FGD5: variants seen among roughly 807,000 people sequenced by gnomAD.
FGD5 encodes the protein FYVE, RhoGEF and PH domain-containing protein 5.
Under a neutral mutation model 133.4 loss-of-function variants are expected in FGD5, and 28 were observed. That is an observed-to-expected ratio of 0.21 (90% CI 0.16 to 0.29). FGD5 has a LOEUF of 0.29. Among genes scored for constraint, FGD5 ranks in the 10% least tolerant of loss-of-function variants. The probability of loss-of-function intolerance (pLI) is 1.00; values close to 1 mark genes in which losing one functional copy is unlikely to be tolerated. For missense variants in FGD5, 1,858 were observed against 1,895.2 expected (o/e 0.98, Z 0.36); for synonymous variants, 810 against 776.5 (o/e 1.04, Z -0.72).
intron 1 of FGD5, among the ~76,000 whole-genome samples, chr3:14,826,509 C>T (rs893323177): frequency 3.3e-5 from 5 of 152,230 alleles, no homozygotes; most frequent in African/African-American, 1.2e-4. Context: ...TGACCTAGAA[C>T]AAGTTTCTGA....
intron 2 of FGD5, among the ~76,000 whole-genome samples, chr3:14,865,059 C>G (rs2125105324): frequency 6.6e-6 from 1 of 152,300 alleles, no homozygotes. Context: ...GGCATTTGTT[C>G]TGCGGGGGAC....
chr3:14,818,103 C>T (rs2036405019), upstream of FGD5, among the ~76,000 whole-genome samples: 1 of 152,216 alleles, frequency 6.6e-6, no homozygotes, highest in African/African-American at 2.4e-5. Flanking sequence ...ATTCCAGTTG[C>T]ATTGTAGTCT....
intron 2 of FGD5, among the ~76,000 whole-genome samples, chr3:14,867,019 G>A (rs895276657): frequency 6.6e-6 from 1 of 152,174 alleles, no homozygotes. Context: ...TTGGACATCC[G>A]TGCCCTCCTC....
At chr3:14,928,975 A>G (rs909697861) in intron 18 of FGD5, among the ~76,000 whole-genome samples, 10 of 152,092 alleles carry the variant, frequency 6.6e-5, no homozygotes, top group African/African-American at 1.9e-4. Flanking sequence ...AATCTCAAAT[A>G]TACTATTTGG....
chr3:14,925,126 A>AAAAAAC (rs1203220701), intron 17 of FGD5, among the ~76,000 whole-genome samples: 3 of 127,556 alleles, frequency 2.4e-5, no homozygotes, highest in Non-Finnish European at 4.9e-5. Context: ...AAAAAAAAAA[A>AAAAAAC]AACACATACA....
chr3:14,826,818 G>A (rs1161821057), intron 1 of FGD5, among the ~76,000 whole-genome samples: 3 of 152,056 alleles, frequency 2.0e-5, no homozygotes, highest in Non-Finnish European at 4.4e-5. Context: ...TTGACTTAAC[G>A]TTTAGGGCTT....
intron 1 of FGD5, among the ~76,000 whole-genome samples, chr3:14,853,667 T>TAC (rs2037213281): frequency 1.1e-5 from 1 of 88,814 alleles, no homozygotes; most frequent in African/African-American, 4.8e-5. Context: ...TTTTTTTTTT[T>TAC]ACGAGTTATT....
At chr3:14,894,872 G>A (rs1001753988) in intron 4 of FGD5, among the ~76,000 whole-genome samples, 7 of 152,112 alleles carry the variant, frequency 4.6e-5, no homozygotes, top group Admixed American at 1.3e-4. Flanking sequence ...GCCAACATCT[G>A]TTATTGCGTG....
intron 4 of FGD5, chr3:14,897,274 G>A: frequency 1.9e-6 from 1 of 535,364 alleles, no homozygotes; most frequent in Non-Finnish European, 3.3e-6. Context: ...CCTGCTCTGT[G>A]CCAGGCGTTG....
intron 2 of FGD5, among the ~76,000 whole-genome samples, chr3:14,878,051 G>C (rs2037753626): frequency 6.6e-6 from 1 of 152,250 alleles, no homozygotes; most frequent in Non-Finnish European, 1.5e-5. Context: ...ATGGATGACT[G>C]TGCTGAGGTT....
At chr3:14,827,788 A>G (rs1405677323) in intron 1 of FGD5, among the ~76,000 whole-genome samples, 1 of 151,964 alleles carries the variant, frequency 6.6e-6, no homozygotes. Flanking sequence ...AGGAGCAACC[A>G]GAAGTTCTCG....
chr3:14,837,326 G>A (rs961039263), intron 1 of FGD5, among the ~76,000 whole-genome samples: 59 of 152,214 alleles, frequency 3.9e-4, no homozygotes, highest in African/African-American at 1.4e-3. Flanking sequence ...AGTTTGGCTT[G>A]CCTGTAACCC....
intron 4 of FGD5, among the ~76,000 whole-genome samples, chr3:14,886,554 C>T (rs952950131): frequency 6.6e-6 from 1 of 152,214 alleles, no homozygotes; most frequent in Non-Finnish European, 1.5e-5. Flanking sequence ...GACGTGCTCT[C>T]CCCTCCGATG....
chr3:14,901,124 C>T (rs965067043), intron 9 of FGD5, 63 bp downstream of exon 9: 64 of 1,568,394 alleles, frequency 4.1e-5, no homozygotes, highest in East Asian at 6.7e-5. Flanking sequence ...CCACCAGCTC[C>T]GGTCAGCCTT....
chr3:14,816,216 C>T (rs1288233597), upstream of FGD5, among the ~76,000 whole-genome samples: 1 of 152,128 alleles, frequency 6.6e-6, no homozygotes, highest in Non-Finnish European at 1.5e-5. Context: ...CCCACCTGTC[C>T]CTTTGTCCTG....
chr3:14,814,411 C>G (rs902363408), upstream of FGD5, among the ~76,000 whole-genome samples: 1 of 152,212 alleles, frequency 6.6e-6, no homozygotes, highest in Admixed American at 6.5e-5. Flanking sequence ...TGGGTCTTCT[C>G]TAGGCAGAAT....
At chr3:14,836,015 G>A (rs999492205) in intron 1 of FGD5, among the ~76,000 whole-genome samples, 10 of 152,210 alleles carry the variant, frequency 6.6e-5, no homozygotes, top group African/African-American at 2.2e-4. Context: ...AAAGGAACTC[G>A]AGGCTCCAGA....
intron 2 of FGD5, among the ~76,000 whole-genome samples, chr3:14,872,287 T>G (rs1438201423): frequency 6.6e-6 from 1 of 152,198 alleles, no homozygotes; most frequent in Non-Finnish European, 1.5e-5. Flanking sequence ...ATGTCACACT[T>G]TAAAAAAATA....
chr3:14,889,987 G>GT (rs376465720), intron 4 of FGD5, among the ~76,000 whole-genome samples: 1 of 151,766 alleles, frequency 6.6e-6, no homozygotes, highest in East Asian at 1.9e-4. Context: ...TCCTTACCCA[G>GT]TTTTTTTTAA....
Sources: gnomAD v4.1 joint callset for allele counts (sites outside exome capture counted in the v4.1 genomes callset) on GRCh38, gnomAD v4.1.1 for gene constraint, MANE v1.5 for transcripts, NCBI Gene and HGNC (gene_info 2026-07-23, HGNC 2026-07-21) for gene names.